VWA8: variants seen among roughly 807,000 people sequenced by gnomAD.
VWA8 encodes von Willebrand factor A domain containing 8, also known as von Willebrand factor A domain-containing protein 8.
Under a neutral mutation model 241.5 loss-of-function variants are expected in VWA8, and 221 were observed. That is an observed-to-expected ratio of 0.91 (90% CI 0.82 to 1.02). The LOEUF (loss-of-function observed/expected upper bound fraction) is 1.02. Ranked by LOEUF, VWA8 falls within the 50% of genes least tolerant of loss-of-function variation. VWA8 has a pLI of 0.00. For missense variants in VWA8, 2,322 were observed against 2,328.7 expected, an observed-to-expected ratio of 1.00 and a Z score of 0.06; for synonymous variants, 852 against 827.1, an observed-to-expected ratio of 1.03 and a Z score of -0.52.
chr13:41,660,047 G>A (rs1344382726), intron 37 of VWA8, among the ~76,000 whole-genome samples: 2 of 152,054 alleles, frequency 1.3e-5, no homozygotes, highest in Admixed American at 6.5e-5. Flanking sequence ...AAAAAGTTTG[G>A]GCTCTAGCCT....
intron 2 of VWA8, among the ~76,000 whole-genome samples, chr13:41,946,276 G>A (rs1877846518): frequency 6.6e-6 from 1 of 151,482 alleles, no homozygotes; most frequent in East Asian, 1.9e-4. Flanking sequence ...CTTACTAAAG[G>A]GCATCCTTCC....
intron 21 of VWA8, among the ~76,000 whole-genome samples, chr13:41,750,854 A>T (rs1451102401): frequency 1.3e-5 from 2 of 151,754 alleles, no homozygotes; most frequent in Admixed American, 1.3e-4. Flanking sequence ...AATGACAACA[A>T]AGTATGTAGA....
chr13:41,773,981 T>C (rs1454019867), intron 20 of VWA8, among the ~76,000 whole-genome samples: 1 of 152,200 alleles, frequency 6.6e-6, no homozygotes, highest in Non-Finnish European at 1.5e-5. Flanking sequence ...TTTTATCTAA[T>C]TCATTAGTCT....
intron 12 of VWA8, among the ~76,000 whole-genome samples, chr13:41,852,080 A>T (rs1872550303): frequency 6.6e-6 from 1 of 152,208 alleles, no homozygotes; most frequent in African/African-American, 2.4e-5. Context: ...CCACATGCTT[A>T]CCAACATTTG....
intron 2 of VWA8, among the ~76,000 whole-genome samples, chr13:41,927,883 C>T (rs1294915276): frequency 1.3e-5 from 2 of 151,788 alleles, no homozygotes; most frequent in African/African-American, 2.4e-5. Flanking sequence ...ACAGACAGGA[C>T]AAATGTAAAG....
At chr13:41,957,801 G>A (rs540911603) in intron 1 of VWA8, among the ~76,000 whole-genome samples, 2 of 152,128 alleles carry the variant, frequency 1.3e-5, no homozygotes, top group South Asian at 2.1e-4. Flanking sequence ...TCATATACAA[G>A]AGTCATAAAG....
chr13:41,897,471 G>A (rs1875168643), intron 4 of VWA8, among the ~76,000 whole-genome samples: 1 of 141,690 alleles, frequency 7.1e-6, no homozygotes, highest in South Asian at 2.3e-4. Context: ...AATTAGTACA[G>A]CCATTATAAA....
At chr13:41,782,528 GT>G (rs1222203700) in intron 19 of VWA8, among the ~76,000 whole-genome samples, 1 of 151,842 alleles carries the variant, frequency 6.6e-6, no homozygotes, top group African/African-American at 2.4e-5. Flanking sequence ...CTGTTCATTT[GT>G]TTACTGATTG....
intron 19 of VWA8, among the ~76,000 whole-genome samples, chr13:41,782,122 G>A (rs1378631513): frequency 1.3e-5 from 2 of 152,224 alleles, no homozygotes; most frequent in Non-Finnish European, 2.9e-5. Context: ...AATGCTTTAA[G>A]AAGAGAAGGT....
At chr13:41,623,482 TGA>T (rs562938798) in intron 37 of VWA8, among the ~76,000 whole-genome samples, 34 of 152,314 alleles carry the variant, frequency 2.2e-4, no homozygotes, top group African/African-American at 7.9e-4. Context: ...AAGGGATGAA[TGA>T]GAGGCAGCAG....
chr13:41,802,503 C>T (rs1016813320), intron 17 of VWA8, among the ~76,000 whole-genome samples: 4 of 152,196 alleles, frequency 2.6e-5, no homozygotes, highest in African/African-American at 9.7e-5. Context: ...AGTCAGACAC[C>T]AGTGCGGACA....
chr13:41,931,328 G>A (rs980693730), intron 2 of VWA8, among the ~76,000 whole-genome samples: 9 of 142,210 alleles, frequency 6.3e-5, no homozygotes, highest in Non-Finnish European at 1.4e-4. Context: ...TCACTTATAT[G>A]TGGAATCTGG....
At chr13:41,770,762 T>G (rs1267306520) in intron 20 of VWA8, among the ~76,000 whole-genome samples, 3 of 150,852 alleles carry the variant, frequency 2.0e-5, no homozygotes, top group African/African-American at 7.4e-5. Flanking sequence ...ATTGGCTTTT[T>G]ATTTTATAAG....
At chr13:41,830,465 C>T in intron 14 of VWA8, 64 bp downstream of exon 14, 1 of 1,347,402 alleles carries the variant, frequency 7.4e-7, no homozygotes. Context: ...TTAGAAAAAT[C>T]ATAAAAAGTA....
chr13:41,616,497 GA>G lies in VWA8; in HGVS notation c.4612-1414del, dbSNP rs535836142. ...AGCAAGATAGCTAGGAACATTTAGA[GA>G]AAAAAAAAACATTTAAAATACTTTC... On this transcript the variant is annotated intron_variant, in intron 37 of 44. Transcript: ENST00000379310. Among the ~76,000 whole-genome samples, 77 of 146,438 alleles carry G rather than the reference GA, an allele frequency of 5.3e-4. 1 individual carries two copies. In the South Asian group the frequency reaches 0.011, roughly 21 times the overall value.
intron 37 of VWA8, among the ~76,000 whole-genome samples, chr13:41,649,556 T>C (rs763792887): frequency 2.7e-5 from 4 of 146,766 alleles, no homozygotes; most frequent in Non-Finnish European, 6.0e-5. Flanking sequence ...TCATTTTGAT[T>C]AGAGTAGATT....
At chr13:41,803,448 A>T (rs1470148058) in intron 17 of VWA8, among the ~76,000 whole-genome samples, 2 of 152,202 alleles carry the variant, frequency 1.3e-5, no homozygotes, top group Admixed American at 6.5e-5. Flanking sequence ...GGTTTAATGG[A>T]CTCACAGTTC....
At chr13:41,652,536 T>C (rs1204716000) in intron 37 of VWA8, among the ~76,000 whole-genome samples, 1 of 152,200 alleles carries the variant, frequency 6.6e-6, no homozygotes, top group East Asian at 1.9e-4. Flanking sequence ...TTGATGTGTA[T>C]CTTTTAGTTT....
In VWA8 at chr13:41,745,064, C is replaced by T. The variant is rs929459471; in HGVS notation, c.2427-12909G>A. On this transcript the variant is annotated intron_variant, in intron 21 of 44. Coordinates refer to ENST00000379310, the MANE Select transcript of VWA8 (RefSeq NM_015058.2). ...ACCATGTTAGCCAGGATGGTCTCATCTCCTGACCTCATTATCCACCCGCCT... is the reference window on the plus strand; with the variant it reads ...ACCATGTTAGCCAGGATGGTCTCATTTCCTGACCTCATTATCCACCCGCCT... Among the ~76,000 whole-genome samples the T allele has an allele frequency of 3.9e-5, 6 of 152,148 alleles. No individual in the cohort carries two copies. The South Asian group carries it at 1.0e-3, about 26-fold the overall frequency.
Sources: gnomAD v4.1 joint callset for allele counts (sites outside exome capture counted in the v4.1 genomes callset) on GRCh38, gnomAD v4.1.1 for gene constraint, MANE v1.5 for transcripts, NCBI Gene and HGNC (gene_info 2026-07-23, HGNC 2026-07-21) for gene names.